Variants in UGT2B17 observed in about 807,000 individuals in gnomAD.
UGT2B17 encodes UDP glucuronosyltransferase family 2 member B17.
UGT2B17 carries 21 observed loss-of-function variants against 48.2 expected under a neutral mutation model. The ratio of observed to expected loss-of-function variants is 0.44; its 90% CI spans 0.31 to 0.63. UGT2B17 has a LOEUF of 0.63. Ranked by LOEUF, UGT2B17 falls within the 20% of genes least tolerant of loss-of-function variation. The pLI is 0.08. For missense variants in UGT2B17, 402 were observed against 696.1 expected, an observed-to-expected ratio of 0.58 and a Z score of 4.75; for synonymous variants, 146 against 238.4, an observed-to-expected ratio of 0.61 and a Z score of 3.57.
chr4:68,546,546 A>G (rs1730812308), intron 6 of UGT2B17, among the ~76,000 whole-genome samples: 1 of 126,080 alleles, frequency 7.9e-6, no homozygotes. Flanking sequence ...CACCACTCCT[A>G]TTCAACACAG....
At chr4:68,539,870 C>T (rs146164674) in intron 6 of UGT2B17, among the ~76,000 whole-genome samples, 2,764 of 113,528 alleles carry the variant, frequency 0.024, 613 homozygotes, top group Middle Eastern at 0.046. Flanking sequence ...CTGCAACTTA[C>T]GTCTCCTGGG....
chr4:68,543,814 C>T lies in UGT2B17; in HGVS notation c.1314-5910G>A, dbSNP rs560644405. 2.4e-5 allele frequency among the ~76,000 whole-genome samples: 3 copies of T among 124,940 alleles called. 1 individual carries two copies. In the South Asian group the frequency reaches 1.1e-3, roughly 48 times the overall value. 82.0% of individuals were successfully genotyped at this position (124,940 alleles called of 152,430 possible). A position where few individuals can be genotyped will look rare whatever the true frequency, so the allele number is the denominator to read the frequency against. The stretch of plus-strand genomic sequence containing the variant: ...AAGCCTCAGTAGCTGATTTGATCAA[C>T]TGGAAGAAACGGTATCAGTGATGGA... On this transcript the variant is annotated intron_variant, in intron 6 of 6. Coordinates refer to ENST00000317746, the MANE Select transcript of UGT2B17 (RefSeq NM_001077.4).
intron 1 of UGT2B17, among the ~76,000 whole-genome samples, chr4:68,573,155 CTTGTG>C (rs1202752961): frequency 2.4e-5 from 3 of 127,364 alleles, no homozygotes; most frequent in African/African-American, 8.1e-5. Flanking sequence ...TTATTTGCTT[CTTGTG>C]TTAACAGGGC....
chr4:68,571,078 A>C lies in UGT2B17; in HGVS notation c.-64-2530T>G, dbSNP rs1263842710. Among the ~76,000 whole-genome samples the C allele has an allele frequency of 2.4e-5, 3 of 125,440 alleles. 1 individual carries two copies. Among genetic ancestry groups the C allele is most frequent in the Non-Finnish European group, 5.1e-5 (3 of 59,350 alleles). 82.3% of individuals were successfully genotyped at this position (125,440 alleles called of 152,430 possible). Reference sequence around the variant, plus strand: ...AGGCTTGACCGGTTTTATTAGTAAAAATTTCTAAAACAGCTTGTAACCATA... The same window carrying C: ...AGGCTTGACCGGTTTTATTAGTAAACATTTCTAAAACAGCTTGTAACCATA... On this transcript the variant is annotated intron_variant, in intron 1 of 6. Transcript: ENST00000317746.
At chr4:68,549,335 C>A (rs1730874074) in intron 6 of UGT2B17, among the ~76,000 whole-genome samples, 1 of 81,392 alleles carries the variant, frequency 1.2e-5, no homozygotes. Flanking sequence ...CAAAAGGCAT[C>A]CTCCAAAAAG....
rs1199729916 is a variant in UGT2B17, at chr4:68,553,481, GC to G, written c.1006-1571del. ...AGGCACCACTCACCCCTTTGGGGGT[GC>G]TCTGTTTTCTTTGTGGAGTTTCAAG... On this transcript the variant is annotated intron_variant, in intron 4 of 6. Coordinates refer to ENST00000317746, the MANE Select transcript of UGT2B17 (RefSeq NM_001077.4). Among the ~76,000 whole-genome samples the G allele has an allele frequency of 3.2e-5, 4 of 126,342 alleles. 1 individual carries two copies. The highest frequency in any genetic ancestry group is 7.5e-4 in the South Asian group (2 of 2,672). 82.9% of individuals were successfully genotyped at this position (126,342 alleles called of 152,430 possible). A position where few individuals can be genotyped will look rare whatever the true frequency, so the allele number is the denominator to read the frequency against.
rs1396000331 is a variant in UGT2B17, at chr4:68,570,375, G to A, written c.-64-1827C>T. ...ATGTCTGGAATCTCTGAATAACATC[G>A]GTTTCTAAGTTATGAGTTGATTTTT... On this transcript the variant is annotated intron_variant, in intron 1 of 6. Coordinates refer to ENST00000317746, the MANE Select transcript of UGT2B17 (RefSeq NM_001077.4). Among the ~76,000 whole-genome samples, 5 of 126,798 alleles carry A rather than the reference G, an allele frequency of 3.9e-5. 2 individuals carry two copies. Among genetic ancestry groups the A allele is most frequent in the Non-Finnish European group, 8.4e-5 (5 of 59,598 alleles). The allele number at this position is 126,798 out of a possible 152,430, so 83.2% of individuals were successfully genotyped here. A position where few individuals can be genotyped will look rare whatever the true frequency, so the allele number is the denominator to read the frequency against.
chr4:68,555,493 T>G (rs1429392732), intron 4 of UGT2B17, among the ~76,000 whole-genome samples: 1 of 126,084 alleles, frequency 7.9e-6, no homozygotes, highest in African/African-American at 2.7e-5. Context: ...TAGTTTGGCC[T>G]ACACCCAGAA....
chr4:68,541,645 T>C lies in UGT2B17; in HGVS notation c.1314-3741A>G, dbSNP rs1288856536. 2.6e-4 allele frequency among the ~76,000 whole-genome samples: 33 copies of C among 126,904 alleles called. 7 individuals are homozygous for C. Among genetic ancestry groups the C allele is most frequent in the African/African-American group, 8.3e-4 (31 of 37,166 alleles). The allele number at this position is 126,904 out of a possible 152,430, so 83.3% of individuals were successfully genotyped here. A position where few individuals can be genotyped will look rare whatever the true frequency, so the allele number is the denominator to read the frequency against. ...TTTTGCTGTGCAGAAGCTCTTTAGT[T>C]TAATTTGATCCCATTTGTCAACTTT... On this transcript the variant is annotated intron_variant, in intron 6 of 6. Transcript: ENST00000317746.
rs756244702 is a variant in UGT2B17, at chr4:68,565,552, T to G, written c.873+20A>C. ...CTTCTGAAAATGTCAAGCAAACAAATGAAACAAGAATATGTTCACCTTAGG... is the reference window on the plus strand; with the variant it reads ...CTTCTGAAAATGTCAAGCAAACAAAGGAAACAAGAATATGTTCACCTTAGG... On this transcript the variant is annotated intron_variant, in intron 3 of 6. Coordinates refer to ENST00000317746, the MANE Select transcript of UGT2B17 (RefSeq NM_001077.4). 17 of 1,350,162 alleles carry G rather than the reference T, an allele frequency of 1.3e-5. 6 individuals are homozygous for G. The South Asian group carries it at 3.1e-4, about 24-fold the overall frequency. 83.6% of individuals were successfully genotyped at this position (1,350,162 alleles called of 1,614,324 possible).
At chr4:68,545,203 A>C (rs1420047051) in intron 6 of UGT2B17, among the ~76,000 whole-genome samples, 2 of 126,520 alleles carry the variant, frequency 1.6e-5, no homozygotes, top group African/African-American at 2.7e-5. Flanking sequence ...ATGTAAAAGA[A>C]CAGAAATTAT....
intron 6 of UGT2B17, among the ~76,000 whole-genome samples, chr4:68,538,917 T>C (rs1466473791): frequency 2.4e-5 from 3 of 125,742 alleles, no homozygotes; most frequent in Non-Finnish European, 5.0e-5. Context: ...GCATTCTTTC[T>C]TGCAACTACT....
intron 1 of UGT2B17, among the ~76,000 whole-genome samples, chr4:68,574,667 T>A (rs1359048665): frequency 1.6e-5 from 2 of 127,148 alleles, no homozygotes; most frequent in Non-Finnish European, 3.3e-5. Flanking sequence ...TGCCTCCTTA[T>A]AATCTTCTCA....
At chr4:68,574,052 G>A (rs1731332737) in intron 1 of UGT2B17, among the ~76,000 whole-genome samples, 2 of 126,944 alleles carry the variant, frequency 1.6e-5, no homozygotes, top group South Asian at 3.4e-4. Context: ...AGGGCCTCTG[G>A]CCTGCCATGT....
intron 6 of UGT2B17, among the ~76,000 whole-genome samples, chr4:68,545,446 G>C (rs1196735211): frequency 8.0e-6 from 1 of 124,392 alleles, no homozygotes; most frequent in Non-Finnish European, 1.7e-5. Flanking sequence ...GAAATTTATA[G>C]CACTAAATGC....
In UGT2B17 at chr4:68,568,187, T is replaced by C; in HGVS notation, c.298A>G (p.Ser100Gly). The C allele has an allele frequency of 6.5e-6, 9 of 1,378,206 alleles. 2 individuals are homozygous for C. Among genetic ancestry groups the C allele is most frequent in the Non-Finnish European group, 6.6e-6 (7 of 1,053,000 alleles). The allele number at this position is 1,378,206 out of a possible 1,614,324, so 85.4% of individuals were successfully genotyped here. ...GACCAAAATGTATTTTTTGAAATAC[T>C]ATATGTCCATCTATCGAACATTTTC... ...FMKMFDRWTY[S>G]ISKNTFWSYF... The change falls in exon 2 of 7, where the codon AGT (serine) becomes GGT (glycine). Residue 100 changes from serine to glycine, a missense_variant. By Grantham distance (56) the Ser-to-Gly change is moderately conservative. Transcript: ENST00000317746.
At chr4:68,575,552 G>GT (rs1284952749) in intron 1 of UGT2B17, among the ~76,000 whole-genome samples, 2 of 125,210 alleles carry the variant, frequency 1.6e-5, no homozygotes, top group African/African-American at 2.7e-5. Context: ...CCTGATCTAT[G>GT]TTTTTTTGAG....
rs766534233 is a variant in UGT2B17, at chr4:68,541,450, G to A, written c.1314-3546C>T. On this transcript the variant is annotated intron_variant, in intron 6 of 6. Transcript: ENST00000317746. ...GTTGGCTGCATAAATGTATTTTTTT[G>A]AGAAGTGTCTGTTTATATCCTTTGC... Among the ~76,000 whole-genome samples, 9 of 126,156 alleles carry A rather than the reference G, an allele frequency of 7.1e-5. 2 individuals carry two copies. The highest frequency in any genetic ancestry group is 8.4e-5 in the Non-Finnish European group (5 of 59,580). 82.8% of individuals were successfully genotyped at this position (126,156 alleles called of 152,430 possible).
At position 68,557,745 on chromosome 4, in the gene UGT2B17, A is replaced by G. The variant is rs1025175002; in HGVS notation, c.1005+2792T>C. 7.1e-5 allele frequency among the ~76,000 whole-genome samples: 9 copies of G among 126,702 alleles called. 1 individual carries two copies. Among genetic ancestry groups the G allele is most frequent in the African/African-American group, 2.4e-4 (9 of 37,336 alleles). The allele number at this position is 126,702 out of a possible 152,430, so 83.1% of individuals were successfully genotyped here. A position where few individuals can be genotyped will look rare whatever the true frequency, so the allele number is the denominator to read the frequency against. The stretch of plus-strand genomic sequence containing the variant: ...CTATTTTCATTTTTAACAAAACACA[A>G]TTGGAGAAACTGGTTATTTTATCAA... On this transcript the variant is annotated intron_variant, in intron 4 of 6. Transcript: ENST00000317746.
Sources: gnomAD v4.1 joint callset for allele counts (sites outside exome capture counted in the v4.1 genomes callset) on GRCh38, gnomAD v4.1.1 for gene constraint, MANE v1.5 for transcripts, NCBI Gene and HGNC (gene_info 2026-07-23, HGNC 2026-07-21) for gene names.